Variants in TRAPPC9 observed in about 807,000 individuals in gnomAD.
TRAPPC9 encodes IKK2 binding protein.
TRAPPC9 carries 83 observed loss-of-function variants against 124.0 expected under a neutral mutation model. The observed-to-expected ratio is 0.67, with a 90% CI of 0.56 to 0.80. The LOEUF is 0.80. TRAPPC9 is among the 30% of genes least tolerant of loss of function. The pLI is 0.00. For missense variants in TRAPPC9, 1,302 were observed against 1,508.3 expected (o/e 0.86, Z 2.27); for synonymous variants, 638 against 617.5 (o/e 1.03, Z -0.49).
chr8:139,821,528 G>A (rs1825252595), intron 21 of TRAPPC9, among the ~76,000 whole-genome samples: 1 of 152,238 alleles, frequency 6.6e-6, no homozygotes, highest in African/African-American at 2.4e-5. Context: ...ATGCATCAAT[G>A]TGAGCCTGGA....
At chr8:140,089,801 T>C (rs898962518) in intron 17 of TRAPPC9, among the ~76,000 whole-genome samples, 1 of 151,850 alleles carries the variant, frequency 6.6e-6, no homozygotes, top group Non-Finnish European at 1.5e-5. Flanking sequence ...GGCAGGCAGC[T>C]AGGTGTGGTG....
intron 21 of TRAPPC9, among the ~76,000 whole-genome samples, chr8:139,841,710 A>G (rs967385673): frequency 3.3e-5 from 5 of 152,174 alleles, no homozygotes; most frequent in African/African-American, 1.2e-4. Flanking sequence ...TGCTCACAGT[A>G]GGGAGCCGAT....
intron 17 of TRAPPC9, among the ~76,000 whole-genome samples, chr8:140,195,295 AAC>A (rs1401795109): frequency 6.6e-6 from 1 of 152,092 alleles, no homozygotes; most frequent in East Asian, 1.9e-4. Flanking sequence ...GTGACACCAA[AAC>A]ACACTCAACG....
At chr8:139,800,885 C>A (rs1022388382) in intron 21 of TRAPPC9, among the ~76,000 whole-genome samples, 1 of 150,818 alleles carries the variant, frequency 6.6e-6, no homozygotes, top group African/African-American at 2.4e-5. Flanking sequence ...CCTCTGGTAT[C>A]TTCCCGCCCT....
intron 11 of TRAPPC9, among the ~76,000 whole-genome samples, chr8:140,294,180 A>G (rs4736169): frequency 0.24 from 36,777 of 151,912 alleles, 5,180 homozygotes; most frequent in East Asian, 0.63. Flanking sequence ...CCAGAAACTC[A>G]GGTCTTGTCC....
chr8:140,188,610 C>G (rs768307982), intron 17 of TRAPPC9, among the ~76,000 whole-genome samples: 1 of 152,326 alleles, frequency 6.6e-6, no homozygotes, highest in Middle Eastern at 3.4e-3. Context: ...CCTATCCCTG[C>G]CTTTAAACAT....
chr8:140,007,497 T>C (rs575711975), intron 18 of TRAPPC9, among the ~76,000 whole-genome samples: 1 of 152,338 alleles, frequency 6.6e-6, no homozygotes, highest in Admixed American at 6.5e-5. Flanking sequence ...TGAAATCATG[T>C]TTCATGCATC....
chr8:140,388,372 TAAA>T (rs752164773), intron 7 of TRAPPC9, among the ~76,000 whole-genome samples: 11 of 129,066 alleles, frequency 8.5e-5, no homozygotes, highest in Admixed American at 1.6e-4. Context: ...GAACTTACAG[TAAA>T]AAAAAAAAAA....
chr8:140,333,314 T>A (rs544797421), intron 9 of TRAPPC9, among the ~76,000 whole-genome samples: 3 of 152,366 alleles, frequency 2.0e-5, no homozygotes, highest in Admixed American at 6.5e-5. Context: ...ATTACTTGTA[T>A]AATAAAAACT....
At chr8:140,357,994 C>T (rs2067806282) in intron 9 of TRAPPC9, among the ~76,000 whole-genome samples, 1 of 152,194 alleles carries the variant, frequency 6.6e-6, no homozygotes, top group Non-Finnish European at 1.5e-5. Flanking sequence ...CTACTCCACA[C>T]GAGGATGCCA....
chr8:140,427,054 T>A (rs1319942989), intron 4 of TRAPPC9, among the ~76,000 whole-genome samples: 1 of 151,734 alleles, frequency 6.6e-6, no homozygotes, highest in South Asian at 2.1e-4. Context: ...GCCTCCCAAG[T>A]AGCTGGGACT....
intron 20 of TRAPPC9, among the ~76,000 whole-genome samples, chr8:139,887,169 T>C (rs1443330423): frequency 6.6e-6 from 1 of 151,098 alleles, no homozygotes; most frequent in Non-Finnish European, 1.5e-5. Context: ...AGCAACATGC[T>C]GCCCTGGGGG....
intron 21 of TRAPPC9, among the ~76,000 whole-genome samples, chr8:139,809,200 G>C (rs1824267242): frequency 6.6e-6 from 1 of 152,240 alleles, no homozygotes. Flanking sequence ...GAGAGAAAAA[G>C]TCACCTTGAA....
intron 18 of TRAPPC9, among the ~76,000 whole-genome samples, chr8:140,004,920 T>G (rs1261080866): frequency 6.6e-6 from 1 of 152,160 alleles, no homozygotes; most frequent in African/African-American, 2.4e-5. Context: ...TTGGTCAAAT[T>G]CATGTGGTCT....
chr8:139,909,904 G>A (rs1020507527), intron 20 of TRAPPC9, among the ~76,000 whole-genome samples: 3 of 152,182 alleles, frequency 2.0e-5, no homozygotes, highest in South Asian at 2.1e-4. Flanking sequence ...ATCCAAAGAC[G>A]AGAGCACCAC....
intron 7 of TRAPPC9, among the ~76,000 whole-genome samples, chr8:140,390,511 T>C (rs371974448): frequency 6.6e-6 from 1 of 152,148 alleles, no homozygotes; most frequent in African/African-American, 2.4e-5. Flanking sequence ...TCCTTTATTT[T>C]AGTCCTCTCC....
chr8:139,984,203 C>A lies in TRAPPC9; in HGVS notation c.2810+4523G>T, dbSNP rs1289421013. On this transcript the variant is annotated intron_variant, in intron 19 of 22. Transcript: ENST00000438773. This position sits in a 1 kb window ranked among gnomAD's most constrained non-coding sequence, Gnocchi z 4.3. Reference sequence around the variant, plus strand: ...GTTCTGCAAACGGCAGCATCCAAGCCATGTTAATTCCAGGAATCTGGCTCT... The same window carrying A: ...GTTCTGCAAACGGCAGCATCCAAGCAATGTTAATTCCAGGAATCTGGCTCT... 6.6e-6 allele frequency among the ~76,000 whole-genome samples: 1 copy of A among 152,152 alleles called. No homozygotes were observed. Among genetic ancestry groups the A allele is most frequent in the Non-Finnish European group, 1.5e-5 (1 of 68,030 alleles).
At chr8:140,152,288 T>C (rs1025080009) in intron 17 of TRAPPC9, among the ~76,000 whole-genome samples, 2 of 146,686 alleles carry the variant, frequency 1.4e-5, no homozygotes, top group Admixed American at 1.3e-4. Flanking sequence ...TGTCAATTTC[T>C]ACCAAAAAAT....
chr8:139,839,110 G>A (rs1359081088), intron 21 of TRAPPC9, among the ~76,000 whole-genome samples: 2 of 152,254 alleles, frequency 1.3e-5, no homozygotes, highest in East Asian at 3.8e-4. Flanking sequence ...TCTTTGGCCA[G>A]ATAACCCTCC....
Sources: allele counts gnomAD v4.1 joint callset (sites outside exome capture counted in the v4.1 genomes callset), GRCh38; gene constraint gnomAD v4.1.1; non-coding constraint Gnocchi (gnomAD v3.1); transcripts MANE v1.5; gene names NCBI Gene and HGNC (gene_info 2026-07-23, HGNC 2026-07-21).